SOX6: variants seen among roughly 807,000 people sequenced by gnomAD.
The protein encoded by SOX6 is transcription factor SOX-6.
A neutral mutation model predicts 97.8 loss-of-function variants in SOX6; 11 were observed. That is an observed-to-expected ratio of 0.11 (90% CI 0.07 to 0.19). SOX6 has a LOEUF of 0.19. Ranked by LOEUF, SOX6 falls within the 10% of genes least tolerant of loss-of-function variation. The pLI is 1.00. For missense variants in SOX6, 810 were observed against 1,039.5 expected, an observed-to-expected ratio of 0.78 and a Z score of 3.04; for synonymous variants, 360 against 371.4, an observed-to-expected ratio of 0.97 and a Z score of 0.35.
chr11:16,426,009 C>G (rs1429699711), intron 1 of SOX6, among the ~76,000 whole-genome samples: 1 of 151,534 alleles, frequency 6.6e-6, no homozygotes, highest in Non-Finnish European at 1.5e-5. Context: ...GTAATCCCAG[C>G]ACTTTGGGAG....
At chr11:16,545,758 C>T (rs879297002) in intron 4 of SOX6, among the ~76,000 whole-genome samples, 3 of 151,996 alleles carry the variant, frequency 2.0e-5, no homozygotes, top group Non-Finnish European at 4.4e-5. Context: ...TCAAGACTAC[C>T]CTGGGCAATA....
chr11:16,591,552 G>C (rs1848154533), intron 4 of SOX6, among the ~76,000 whole-genome samples: 2 of 152,004 alleles, frequency 1.3e-5, no homozygotes, highest in African/African-American at 4.8e-5. Context: ...CCATCATGGT[G>C]TGAATTTTGT....
chr11:16,173,666 A>G (rs1358401077), intron 6 of SOX6, among the ~76,000 whole-genome samples: 1 of 150,116 alleles, frequency 6.7e-6, no homozygotes, highest in Non-Finnish European at 1.5e-5. Context: ...TTTTTTATTT[A>G]GAAACCACTG....
intron 3 of SOX6, among the ~76,000 whole-genome samples, chr11:16,283,579 C>A (rs1032990803): frequency 2.0e-5 from 3 of 151,620 alleles, no homozygotes; most frequent in Non-Finnish European, 4.4e-5. Flanking sequence ...TAAGAAAACC[C>A]TTTGTAAAAC....
intron 1 of SOX6, among the ~76,000 whole-genome samples, chr11:16,349,715 A>AGGAAGGAAGGAAGGAAGGAAGGAGGAAG (rs369882029): frequency 1.4e-4 from 6 of 41,762 alleles, no homozygotes; most frequent in African/African-American, 3.6e-4. Flanking sequence ...GAAGGAAGGA[A>AGGAAGGAAGGAAGGAAGGAAGGAGGAAG]GAAGGAAGGA....
At chr11:16,211,214 C>T (rs1441512311) in intron 4 of SOX6, among the ~76,000 whole-genome samples, 1 of 152,058 alleles carries the variant, frequency 6.6e-6, no homozygotes, top group Admixed American at 6.5e-5. Context: ...CATAAGCACT[C>T]TGGCCTTTAC....
chr11:16,129,027 T>A (rs943785089), intron 6 of SOX6, among the ~76,000 whole-genome samples: 4 of 116,434 alleles, frequency 3.4e-5, no homozygotes, highest in African/African-American at 1.6e-4. Context: ...TGCCTGGCAT[T>A]TTTTTTTTTT....
intron 12 of SOX6, chr11:16,015,329 A>G: frequency 2.2e-6 from 1 of 463,564 alleles, no homozygotes; most frequent in Non-Finnish European, 3.9e-6. Flanking sequence ...GATTTGCTCC[A>G]GTAATCTAAA....
upstream of SOX6, among the ~76,000 whole-genome samples, chr11:16,358,860 G>T (rs1330796574): frequency 9.2e-5 from 14 of 152,060 alleles, no homozygotes. Context: ...ACTAAAATTG[G>T]CTTGTGAACC....
intron 1 of SOX6, among the ~76,000 whole-genome samples, chr11:16,376,125 T>C (rs1271713327): frequency 6.6e-6 from 1 of 152,074 alleles, no homozygotes; most frequent in African/African-American, 2.4e-5. Flanking sequence ...TGTGTATACC[T>C]ATGTAACAAA....
At chr11:16,145,902 A>G (rs1159440729) in intron 6 of SOX6, among the ~76,000 whole-genome samples, 5 of 152,220 alleles carry the variant, frequency 3.3e-5, no homozygotes, top group Non-Finnish European at 2.9e-5. Flanking sequence ...GGAAGAATCA[A>G]TATCGTGAAA....
At chr11:16,327,807 T>C (rs549825755) in intron 2 of SOX6, among the ~76,000 whole-genome samples, 1 of 152,168 alleles carries the variant, frequency 6.6e-6, no homozygotes, top group African/African-American at 2.4e-5. Flanking sequence ...TATAATGAAA[T>C]TGAAACCCAC....
intron 12 of SOX6, among the ~76,000 whole-genome samples, chr11:16,034,581 C>T (rs11023833): frequency 0.31 from 46,974 of 152,044 alleles, 8,735 homozygotes; most frequent in Non-Finnish European, 0.41. Flanking sequence ...CATCCATGTG[C>T]AAAGTTTTCA....
intron 1 of SOX6, among the ~76,000 whole-genome samples, chr11:16,396,635 T>C (rs1302672404): frequency 2.0e-5 from 3 of 151,592 alleles, no homozygotes; most frequent in Admixed American, 6.6e-5. Flanking sequence ...ACAACAATAG[T>C]ATATTGAAAT....
Position 16,539,883 on chromosome 11 carries a change from C to G in SOX6, n.610-63495G>C, listed in dbSNP as rs149643682. Among the ~76,000 whole-genome samples the G allele has an allele frequency of 3.2e-3, 482 of 152,248 alleles. 23 individuals are homozygous for G. The East Asian group carries it at 0.079, about 25-fold the overall frequency. On this transcript the variant is annotated intron_variant and non_coding_transcript_variant, in intron 4 of 5. Transcript: ENST00000524520. ...AAACGGACTCACAGCCAAATTCTAC[C>G]AGAGGTACAAAGAGGAGCTGGTACC... is the stretch of plus-strand genomic sequence containing the variant.
At chr11:16,483,375 T>C (rs1860378355) in intron 4 of SOX6, among the ~76,000 whole-genome samples, 2 of 152,138 alleles carry the variant, frequency 1.3e-5, no homozygotes, top group South Asian at 4.1e-4. Flanking sequence ...CAAAAGCACT[T>C]TTTATTTGAG....
chr11:16,189,790 TATATG>T (rs1173660507), intron 4 of SOX6, among the ~76,000 whole-genome samples: 1 of 152,084 alleles, frequency 6.6e-6, no homozygotes, highest in Non-Finnish European at 1.5e-5. Context: ...AATACCTGTC[TATATG>T]ATATAAGTTA....
At chr11:16,043,290 C>A (rs758370197) in intron 12 of SOX6, among the ~76,000 whole-genome samples, 10 of 152,026 alleles carry the variant, frequency 6.6e-5, no homozygotes, top group Admixed American at 6.6e-4. Flanking sequence ...CAACCCAGGG[C>A]GGTAACTTAG....
At chr11:16,245,173 T>C (rs1853301637) in intron 3 of SOX6, among the ~76,000 whole-genome samples, 1 of 151,780 alleles carries the variant, frequency 6.6e-6, no homozygotes, top group Non-Finnish European at 1.5e-5. Flanking sequence ...ACAATTTTCC[T>C]TGTTCTTTCT....
Sources: allele counts gnomAD v4.1 joint callset (sites outside exome capture counted in the v4.1 genomes callset), GRCh38; gene constraint gnomAD v4.1.1; transcripts MANE v1.5; gene names NCBI Gene and HGNC (gene_info 2026-07-23, HGNC 2026-07-21).